The following ADCY8 variants were observed in gnomAD, a reference collection of about 807,000 sequenced individuals.
The protein encoded by ADCY8 is adenylate cyclase type 8.
In ADCY8, 51 loss-of-function variants were observed where a neutral mutation model predicts 119.7. The ratio of observed to expected loss-of-function variants is 0.43; its 90% CI spans 0.34 to 0.54. ADCY8 has a LOEUF of 0.54. Ranked by LOEUF, ADCY8 falls within the 20% of genes least tolerant of loss-of-function variation. The probability of loss-of-function intolerance (pLI) is 0.03; values close to 1 mark genes in which losing one functional copy is unlikely to be tolerated. For missense variants in ADCY8, 1,383 were observed against 1,598.8 expected (o/e 0.87, Z 2.30); for synonymous variants, 665 against 651.0 (o/e 1.02, Z -0.33).
intron 11 of ADCY8, among the ~76,000 whole-genome samples, chr8:130,843,355 G>T (rs963667077): frequency 2.0e-5 from 3 of 152,098 alleles, no homozygotes; most frequent in Non-Finnish European, 2.9e-5. Flanking sequence ...TGCACTGATT[G>T]AACCCTTTTC....
At chr8:130,921,022 T>A (rs925655906) in intron 5 of ADCY8, among the ~76,000 whole-genome samples, 4 of 152,270 alleles carry the variant, frequency 2.6e-5, no homozygotes, top group African/African-American at 9.6e-5. Context: ...ATACACACCC[T>A]GTTGGTTCTG....
chr8:130,792,828 G>A (rs1015635446), intron 15 of ADCY8, among the ~76,000 whole-genome samples: 10 of 152,092 alleles, frequency 6.6e-5, no homozygotes, highest in Admixed American at 2.0e-4. Flanking sequence ...GGAAACCCTC[G>A]TAGCCATCCC....
rs554109564 is a variant in ADCY8 at position 130,906,087 on chromosome 8, G to C, written c.1641-2045C>G. On this transcript the variant is annotated intron_variant, in intron 6 of 17. Coordinates refer to ENST00000286355, the MANE Select transcript of ADCY8 (RefSeq NM_001115.3). ...ATATCTTGATTGATTTCAAGTGCAA[G>C]ATGTTAAAAATAAATGTGTGAAAGA... 3.3e-5 allele frequency among the ~76,000 whole-genome samples: 5 copies of C among 152,290 alleles called. No individual in the cohort carries two copies. In the East Asian group the frequency reaches 9.6e-4, roughly 29 times the overall value.
chr8:131,039,401 G>A lies in ADCY8; in HGVS notation c.933C>T (p.Pro311=). Reference sequence around the variant, plus strand: ...GGTTGATGGAAATGACCGCCAGCCGGGGTATGACCACTTGGAGGATGACCT... The same window carrying A: ...GGTTGATGGAAATGACCGCCAGCCGAGGTATGACCACTTGGAGGATGACCT... ...LLQVILQVVI[P]RLAVISINQV... The change falls in exon 1 of 18, where the codon CCC becomes CCT. Residue 311 remains proline (P), a synonymous_variant. Transcript: ENST00000286355. The A allele has an allele frequency of 6.2e-7, 1 of 1,613,954 alleles. No homozygotes were observed. The highest frequency in any genetic ancestry group is 8.5e-7 in the Non-Finnish European group (1 of 1,179,862).
At chr8:130,787,176 T>A (rs573936605) in intron 15 of ADCY8, among the ~76,000 whole-genome samples, 1 of 151,914 alleles carries the variant, frequency 6.6e-6, no homozygotes, top group African/African-American at 2.4e-5. Flanking sequence ...ACTGAAAGGG[T>A]GTAGGCAGAA....
intron 8 of ADCY8, among the ~76,000 whole-genome samples, chr8:130,880,570 CTGGGAAATG>C (rs1818731550): frequency 6.6e-6 from 1 of 152,160 alleles, no homozygotes; most frequent in Non-Finnish European, 1.5e-5. Context: ...AATGATTCAT[CTGGGAAATG>C]TGGGAAGAGC....
At chr8:131,013,796 T>A (rs1823385303) in intron 1 of ADCY8, among the ~76,000 whole-genome samples, 1 of 152,218 alleles carries the variant, frequency 6.6e-6, no homozygotes, top group Non-Finnish European at 1.5e-5. Flanking sequence ...TTAAAATGCA[T>A]CTGTTGTTCA....
intron 14 of ADCY8, among the ~76,000 whole-genome samples, chr8:130,810,985 T>A (rs1472477486): frequency 1.3e-5 from 2 of 152,158 alleles, no homozygotes; most frequent in Non-Finnish European, 2.9e-5. Context: ...GGATTTTACA[T>A]GTGGGGTTTT....
intron 9 of ADCY8, among the ~76,000 whole-genome samples, chr8:130,857,374 T>C (rs1156943041): frequency 6.6e-6 from 1 of 152,206 alleles, no homozygotes; most frequent in Non-Finnish European, 1.5e-5. Context: ...TTATAGACAC[T>C]ACAGTTTAGT....
chr8:131,024,620 C>T (rs1053092292), intron 1 of ADCY8, among the ~76,000 whole-genome samples: 1 of 152,098 alleles, frequency 6.6e-6, no homozygotes, highest in Non-Finnish European at 1.5e-5. Flanking sequence ...TAGGCAAGTG[C>T]CATGAAGTCA....
chr8:131,003,206 T>TCACACACACACA (rs1554624274), intron 1 of ADCY8, among the ~76,000 whole-genome samples: 26 of 137,578 alleles, frequency 1.9e-4, no homozygotes, highest in African/African-American at 5.3e-4. Context: ...TGAAACACCA[T>TCACACACACACA]CACACACACA....
rs533664684 is a variant in ADCY8, at chr8:130,904,682, C to G, written c.1641-640G>C. ...AAAGCTGTGGACATGTGCAGGCTGG[C>G]AGCTGGCTGGGCTCACTCACAAGTG... On this transcript the variant is annotated intron_variant, in intron 6 of 17. Coordinates refer to ENST00000286355, the MANE Select transcript of ADCY8 (RefSeq NM_001115.3). 3.9e-5 allele frequency among the ~76,000 whole-genome samples: 6 copies of G among 152,278 alleles called. 1 individual carries two copies. In the South Asian group the frequency reaches 1.2e-3, roughly 32 times the overall value.
intron 1 of ADCY8, among the ~76,000 whole-genome samples, chr8:130,991,966 A>G (rs2130743945): frequency 6.6e-6 from 1 of 152,132 alleles, no homozygotes; most frequent in South Asian, 2.1e-4. Flanking sequence ...GGATATTAAC[A>G]GCAGAACATA....
At chr8:130,830,163 A>G (rs1356176397) in intron 12 of ADCY8, among the ~76,000 whole-genome samples, 1 of 152,154 alleles carries the variant, frequency 6.6e-6, no homozygotes, top group African/African-American at 2.4e-5. Context: ...TTTTCCTCTA[A>G]TTGAAAAGCA....
chr8:130,825,415 T>G (rs1192396651), intron 12 of ADCY8, among the ~76,000 whole-genome samples: 5 of 152,236 alleles, frequency 3.3e-5, no homozygotes, highest in Admixed American at 6.5e-5. Flanking sequence ...CTGCATCACT[T>G]ATCTTAATTC....
chr8:131,033,662 G>A (rs1369433427), intron 1 of ADCY8, among the ~76,000 whole-genome samples: 3 of 152,066 alleles, frequency 2.0e-5, no homozygotes, highest in Non-Finnish European at 2.9e-5. Flanking sequence ...TGCAACTCCA[G>A]GGCAAAGATG....
At chr8:130,909,940 C>CTTTTTTT in intron 5 of ADCY8, 74 bp from the exon 6 acceptor site, 1 of 1,066,284 alleles carries the variant, frequency 9.4e-7, no homozygotes, top group Non-Finnish European at 1.3e-6. Flanking sequence ...ACTTTCTTTT[C>CTTTTTTT]TTTTTTTTTT....
intron 1 of ADCY8, among the ~76,000 whole-genome samples, chr8:130,993,074 A>G (rs1196679452): frequency 6.6e-6 from 1 of 152,158 alleles, no homozygotes; most frequent in African/African-American, 2.4e-5. Flanking sequence ...AAGAAATATT[A>G]TATGTCCTAT....
At chr8:130,926,183 C>T (rs1202274468) in intron 5 of ADCY8, among the ~76,000 whole-genome samples, 4 of 152,100 alleles carry the variant, frequency 2.6e-5, no homozygotes, top group Non-Finnish European at 5.9e-5. Context: ...CACATATATA[C>T]CACACAGGTA....
Sources: allele counts gnomAD v4.1 joint callset (sites outside exome capture counted in the v4.1 genomes callset), GRCh38; gene constraint gnomAD v4.1.1; transcripts MANE v1.5; gene names NCBI Gene and HGNC (gene_info 2026-07-23, HGNC 2026-07-21).